The following MYH7B variants were observed in gnomAD, a reference collection of about 807,000 sequenced individuals.
The protein encoded by MYH7B is myosin-7B.
MYH7B carries 205 observed loss-of-function variants against 234.5 expected under a neutral mutation model. The observed-to-expected ratio is 0.87, with a 90% CI of 0.78 to 0.98. The LOEUF is 0.98. MYH7B is among the 50% of genes least tolerant of loss of function. The pLI is 0.00. For missense variants in MYH7B, 2,652 were observed against 2,633.4 expected (o/e 1.01, Z -0.15); for synonymous variants, 1,193 against 1,105.0 (o/e 1.08, Z -1.58).
intron 7 of MYH7B, 23 bp downstream of exon 7, chr20:34,979,827 G>A (rs1310489518): frequency 1.9e-6 from 3 of 1,607,478 alleles, no homozygotes; most frequent in Admixed American, 3.3e-5. Flanking sequence ...CCCGGGCCAT[G>A]GGCGGGGTGG....
chr20:34,999,843 C>A, exon 38 of MYH7B: 1 of 1,613,526 alleles, frequency 6.2e-7, no homozygotes, highest in Non-Finnish European at 8.5e-7. Context: ...CTGGAGCTCT[C>A]CCAGGTCAAA....
intron 16 of MYH7B, 98 bp downstream of exon 16, chr20:34,987,385 C>T: frequency 2.0e-6 from 3 of 1,523,454 alleles, no homozygotes; most frequent in Non-Finnish European, 2.7e-6. Context: ...TAACCTCAGT[C>T]TTACCTGGCC....
Position 34,994,130 on chromosome 20 carries a change from G to A in MYH7B, c.2445-16G>A, listed in dbSNP as rs1283982992. The A allele has an allele frequency of 6.2e-7, 1 of 1,606,928 alleles. No homozygotes were observed. Among genetic ancestry groups the A allele is most frequent in the East Asian group, 2.2e-5 (1 of 44,664 alleles). Reference sequence around the variant, plus strand: ...CAGCACTGAGCCACCTTCACAGCTTGGCTGCCCCTCCCTAGGGATGCGCTG... The same window carrying A: ...CAGCACTGAGCCACCTTCACAGCTTAGCTGCCCCTCCCTAGGGATGCGCTG... On this transcript the variant is annotated splice_polypyrimidine_tract_variant and intron_variant, in intron 26 of 44. Coordinates refer to ENST00000262873, the Ensembl canonical transcript of MYH7B.
chr20:34,966,758 T>C (rs555218914), intron 2 of MYH7B, among the ~76,000 whole-genome samples: 1 of 152,180 alleles, frequency 6.6e-6, no homozygotes, highest in East Asian at 1.9e-4. Flanking sequence ...CAATAGAAAT[T>C]TTAATTAAGA....
chr20:34,993,289 C>T lies in MYH7B; in HGVS notation c.2308-45C>T, dbSNP rs373604539. ...GCGGTCACACTGGGCAGGGTTCATG[C>T]GGATGGTTGGGGGTTACCCTGGCTG... On this transcript the variant is annotated intron_variant, in intron 25 of 44. Coordinates refer to ENST00000262873, the Ensembl canonical transcript of MYH7B. 61 of 1,613,874 alleles carry T rather than the reference C, an allele frequency of 3.8e-5. No homozygotes were observed. The Middle Eastern group carries it at 4.9e-4, about 13-fold the overall frequency.
At chr20:34,968,822 G>A (rs1489871999) in intron 2 of MYH7B, among the ~76,000 whole-genome samples, 1 of 152,212 alleles carries the variant, frequency 6.6e-6, no homozygotes, top group African/African-American at 2.4e-5. Context: ...GTAGCGTAGA[G>A]GATGGAGCCC....
exon 23 of MYH7B, chr20:34,990,803 C>T: frequency 6.2e-7 from 1 of 1,614,194 alleles, no homozygotes; most frequent in Admixed American, 1.7e-5. Context: ...GCTGCATTGT[C>T]CCCAACGAGA....
intron 19 of MYH7B, among the ~76,000 whole-genome samples, chr20:34,988,972 G>A (rs553223061): frequency 6.6e-6 from 1 of 152,050 alleles, no homozygotes; most frequent in African/African-American, 2.4e-5. Flanking sequence ...ACCACACCTA[G>A]CTAATTTTTG....
At chr20:34,995,669 G>A (rs1168111014) in intron 28 of MYH7B, 91 bp downstream of exon 28, 47 of 1,546,226 alleles carry the variant, frequency 3.0e-5, no homozygotes, top group Non-Finnish European at 3.9e-5. Context: ...GCTCTGCTAA[G>A]CCTCTGCTTT....
chr20:34,988,849 G>A (rs576955488), intron 19 of MYH7B, among the ~76,000 whole-genome samples: 86 of 121,026 alleles, frequency 7.1e-4, no homozygotes, highest in African/African-American at 2.8e-3. Flanking sequence ...TCACTCTGTC[G>A]CCCAGGCTGG....
chr20:34,992,526 C>T (rs1263145078), intron 24 of MYH7B, among the ~76,000 whole-genome samples: 1 of 149,160 alleles, frequency 6.7e-6, no homozygotes, highest in African/African-American at 2.5e-5. Flanking sequence ...TCTTTAAAAA[C>T]TTAATGAATG....
Position 34,998,294 on chromosome 20 carries a change from G to C in MYH7B, c.3748-1G>C. ...CCCTGACTCCCAACCTGGGATCCTAGGCCAGTGCAGAGAAGCTGTGCCGGA... is the reference window on the plus strand; with the variant it reads ...CCCTGACTCCCAACCTGGGATCCTACGCCAGTGCAGAGAAGCTGTGCCGGA... On this transcript the variant is annotated splice_acceptor_variant, in intron 32 of 44. Transcript: ENST00000262873. LOFTEE classifies it high-confidence loss of function. 1 of 1,613,828 alleles carries C rather than the reference G, an allele frequency of 6.2e-7. No individual in the cohort carries two copies.
chr20:34,991,155 G>C (rs1280572947), intron 24 of MYH7B, 34 bp downstream of exon 24: 1 of 1,489,424 alleles, frequency 6.7e-7, no homozygotes, highest in Non-Finnish European at 9.3e-7. Context: ...TGCTGCTCCA[G>C]GTGGAGGCCT....
At chr20:34,961,419 T>C (rs1569024870) in intron 2 of MYH7B, among the ~76,000 whole-genome samples, 2 of 152,196 alleles carry the variant, frequency 1.3e-5, no homozygotes, top group East Asian at 3.8e-4. Context: ...TTTCCCTCCA[T>C]GACTGACCCC....
At chr20:34,984,872 A>G (rs1417522140) in exon 12 of MYH7B, 2 of 1,614,040 alleles carry the variant, frequency 1.2e-6, no homozygotes, top group Non-Finnish European at 1.7e-6. Context: ...TGAGGATCAA[A>G]TCATCGAGGC....
At position 34,962,368 on chromosome 20, in the gene MYH7B, G is replaced by A. The variant is rs529021789; in HGVS notation, c.-222+4156G>A. Among the ~76,000 whole-genome samples, 7 of 152,302 alleles carry A rather than the reference G, an allele frequency of 4.6e-5. No individual in the cohort carries two copies. The South Asian group carries it at 1.5e-3, about 32-fold the overall frequency. ...ATGTTTAACTTTTTGAGGAACTGCT[G>A]TTTTCCAAAGTGGCAGCAATTGTAT... On this transcript the variant is annotated intron_variant, in intron 2 of 44. Coordinates refer to ENST00000262873, the Ensembl canonical transcript of MYH7B.
intron 10 of MYH7B, among the ~76,000 whole-genome samples, chr20:34,983,428 C>T (rs2081972077): frequency 2.0e-5 from 3 of 151,328 alleles, no homozygotes; most frequent in Admixed American, 2.0e-4. Flanking sequence ...CTTCCCTTTC[C>T]TGCCCTGTCT....
intron 9 of MYH7B, chr20:34,981,359 A>G: frequency 2.7e-6 from 1 of 364,960 alleles, no homozygotes; most frequent in Non-Finnish European, 4.9e-6. Flanking sequence ...TGGGGTTCTA[A>G]TTCTGGCTCA....
chr20:35,001,520 G>A (rs1393433330), exon 43 of MYH7B: 1 of 1,607,622 alleles, frequency 6.2e-7, no homozygotes, highest in Non-Finnish European at 8.5e-7. Flanking sequence ...GCCAGTTTGA[G>A]GAGGCGGTGA....
Sources: allele counts gnomAD v4.1 joint callset (sites outside exome capture counted in the v4.1 genomes callset), GRCh38; gene constraint gnomAD v4.1.1; transcripts MANE v1.5; gene names NCBI Gene and HGNC (gene_info 2026-07-23, HGNC 2026-07-21).